ST3GAL5: variants seen among roughly 807,000 people sequenced by gnomAD.
ST3GAL5 encodes ST3 beta-galactoside alpha-2,3-sialyltransferase 5, also known as lactosylceramide alpha-2,3-sialyltransferase.
Under a neutral mutation model 46.1 loss-of-function variants are expected in ST3GAL5, and 25 were observed. The observed-to-expected ratio is 0.54, with a 90% confidence interval of 0.40 to 0.76. The LOEUF is 0.76. ST3GAL5 is among the 30% of genes least tolerant of loss of function. ST3GAL5 has a pLI of 0.00. For missense variants in ST3GAL5, 431 were observed against 521.2 expected (o/e 0.83, Z 1.69); for synonymous variants, 182 against 192.7 (o/e 0.94, Z 0.46).
At chr2:85,872,695 C>G (rs552430787) in intron 1 of ST3GAL5, among the ~76,000 whole-genome samples, 1 of 152,146 alleles carries the variant, frequency 6.6e-6, no homozygotes. Context: ...CTGTGCAGAA[C>G]AAATGAACTG....
At position 85,867,564 on chromosome 2, in the gene ST3GAL5, G is replaced by A. The variant is rs531209548; in HGVS notation, c.83-4079C>T. The A allele has an allele frequency of 1.3e-5, 10 of 780,666 alleles. 1 individual carries two copies. The highest frequency in any genetic ancestry group is 1.9e-5 in the Non-Finnish European group (8 of 418,044). The allele number at this position is 780,666 out of a possible 1,614,324, so 48.4% of individuals were successfully genotyped here. ...CCCAAAGGCCAAGGAAGAGGCTGAC[G>A]AATCCAGTTTCTCAGAAAGAAACGT... On this transcript the variant is annotated intron_variant, in intron 1 of 6. Coordinates refer to ENST00000638572, the MANE Select transcript of ST3GAL5 (RefSeq NM_003896.4).
intron 3 of ST3GAL5, chr2:85,853,933 A>G (rs1194963285): frequency 1.3e-5 from 2 of 152,206 alleles, no homozygotes; most frequent in Admixed American, 6.5e-5. Context: ...CAAGGTCAAA[A>G]TGTTAAAAAC....
At chr2:85,852,936 G>A (rs955390734) in intron 3 of ST3GAL5, 5 of 1,301,960 alleles carry the variant, frequency 3.8e-6, no homozygotes, top group Non-Finnish European at 5.1e-6. Context: ...GAAGATGCTG[G>A]TGCCTGGGCT....
At chr2:85,842,251 T>C (rs1356988417) in intron 6 of ST3GAL5, among the ~76,000 whole-genome samples, 1 of 152,232 alleles carries the variant, frequency 6.6e-6, no homozygotes, top group Non-Finnish European at 1.5e-5. Flanking sequence ...GACACTTTCC[T>C]CCTGTTTAGC....
chr2:85,873,304 T>G (rs1686159142), intron 1 of ST3GAL5, among the ~76,000 whole-genome samples: 1 of 151,990 alleles, frequency 6.6e-6, no homozygotes, highest in South Asian at 2.1e-4. Context: ...GCCTACTCTC[T>G]TCATCCTGGG....
chr2:85,851,229 T>C (rs1226616519), intron 3 of ST3GAL5: 2 of 1,057,166 alleles, frequency 1.9e-6, no homozygotes, highest in Non-Finnish European at 1.1e-6. Context: ...CTTAATTTTC[T>C]AGACTGTGGG....
intron 1 of ST3GAL5, among the ~76,000 whole-genome samples, chr2:85,878,400 C>G (rs1686802238): frequency 6.6e-6 from 1 of 152,144 alleles, no homozygotes; most frequent in African/African-American, 2.4e-5. Flanking sequence ...CTATCTACAC[C>G]AGCCTCATTC....
chr2:85,861,318 T>G, intron 2 of ST3GAL5, 26 bp from the exon 3 acceptor site: 3 of 1,412,708 alleles, frequency 2.1e-6, no homozygotes, highest in Non-Finnish European at 3.0e-6. Flanking sequence ...TTAGGTATTA[T>G]GATGTAGTCA....
At chr2:85,851,402 T>C in intron 3 of ST3GAL5, 2 of 1,193,606 alleles carry the variant, frequency 1.7e-6, no homozygotes, top group African/African-American at 3.2e-5. Flanking sequence ...TTAACAGATC[T>C]CCACTGATTG....
intron 1 of ST3GAL5, among the ~76,000 whole-genome samples, chr2:85,886,870 A>C (rs907707825): frequency 6.6e-6 from 1 of 152,182 alleles, no homozygotes; most frequent in Non-Finnish European, 1.5e-5. Context: ...GTATATTCCC[A>C]GTTGTTTTAC....
At chr2:85,871,970 G>C (rs1685976406) in intron 1 of ST3GAL5, among the ~76,000 whole-genome samples, 1 of 152,172 alleles carries the variant, frequency 6.6e-6, no homozygotes, top group Non-Finnish European at 1.5e-5. Context: ...CACACTCTGT[G>C]GGGTGGGAGG....
In ST3GAL5 at chr2:85,837,683, C is replaced by T. The variant is rs1044215615; in HGVS notation, c.*2461G>A. The T allele has an allele frequency of 4.6e-5, 7 of 152,076 alleles. No homozygotes were observed. The highest frequency in any genetic ancestry group is 1.3e-4 in the Admixed American group (2 of 15,256). The allele number at this position is 152,076 out of a possible 1,614,324, so 9.4% of individuals were successfully genotyped here. ...AATGTATTACATTATCACATGGACC[C>T]TCAAAATATGCACATCACTATGTAT... On this transcript the variant is annotated 3_prime_UTR_variant, in exon 7 of 7. Coordinates refer to ENST00000638572, the MANE Select transcript of ST3GAL5 (RefSeq NM_003896.4).
At position 85,840,274 on chromosome 2, in the gene ST3GAL5, T is replaced by C; in HGVS notation, c.1127A>G (p.Asp376Gly). The change falls in exon 7 of 7, where the codon GAC becomes GGC. Residue 376 changes from aspartate to glycine, a missense_variant. Asp to Gly is a moderately conservative substitution (Grantham distance 94). Transcript: ENST00000638572. ...NQPRTPLHYF[D>G]SQCMAAMNFQ... ...GTTCATAGCAGCCATGCATTGACTG[T>C]CGAAGTAGTGCAAAGGTGTTCTGGG... is the stretch of plus-strand genomic sequence containing the variant. The C allele has an allele frequency of 6.2e-7, 1 of 1,614,232 alleles. No individual in the cohort carries two copies. The highest frequency in any genetic ancestry group is 1.1e-5 in the South Asian group (1 of 91,090).
chr2:85,864,505 C>T (rs1685064093), intron 1 of ST3GAL5, among the ~76,000 whole-genome samples: 1 of 151,010 alleles, frequency 6.6e-6, no homozygotes, highest in Non-Finnish European at 1.5e-5. Context: ...ACAATTCTCC[C>T]CACTTCTGTG....
intron 6 of ST3GAL5, among the ~76,000 whole-genome samples, chr2:85,844,148 A>C (rs1682478300): frequency 6.6e-6 from 1 of 152,208 alleles, no homozygotes; most frequent in Non-Finnish European, 1.5e-5. Flanking sequence ...ACCTTAAAAT[A>C]GTATCTCAGT....
In ST3GAL5 at chr2:85,863,467, G is replaced by A. The variant is rs1377729143; in HGVS notation, c.101C>T (p.Thr34Ile). ...GCAATCACTTCTCAGTTTCACATAGGTGTACTCACTTGGCATTGCTGTGAA... is the reference window on the plus strand; with the variant it reads ...GCAATCACTTCTCAGTTTCACATAGATGTACTCACTTGGCATTGCTGTGAA... ...PAGRAMPSEY[T>I]YVKLRSDCSR... is the part of the protein sequence containing the mutation. The change falls in exon 2 of 7, where the codon ACC becomes ATC. Residue 34 changes from threonine (T) to isoleucine (I), a missense_variant. Transcript: ENST00000638572. 1 of 1,614,056 alleles carries A rather than the reference G, an allele frequency of 6.2e-7. No homozygotes were observed. The highest frequency in any genetic ancestry group is 8.5e-7 in the Non-Finnish European group (1 of 1,180,044).
At chr2:85,840,942 C>CT (rs1681974482) in intron 6 of ST3GAL5, among the ~76,000 whole-genome samples, 1 of 24,186 alleles carries the variant, frequency 4.1e-5, no homozygotes, top group African/African-American at 1.3e-4. Context: ...GACTCTGTCT[C>CT]AAAAAAAAAA....
intron 1 of ST3GAL5, among the ~76,000 whole-genome samples, chr2:85,885,780 G>C (rs1297600103): frequency 6.6e-6 from 1 of 151,026 alleles, no homozygotes; most frequent in African/African-American, 2.4e-5. Flanking sequence ...AACTGAGATC[G>C]TGCCACTGCA....
chr2:85,842,287 T>C (rs1223806431), intron 6 of ST3GAL5, among the ~76,000 whole-genome samples: 1 of 152,192 alleles, frequency 6.6e-6, no homozygotes, highest in Non-Finnish European at 1.5e-5. Flanking sequence ...TGTTCTGTCT[T>C]CTCCAACCAT....
Sources: gnomAD v4.1 joint callset for allele counts (sites outside exome capture counted in the v4.1 genomes callset) on GRCh38, gnomAD v4.1.1 for gene constraint, MANE v1.5 for transcripts, NCBI Gene and HGNC (gene_info 2026-07-23, HGNC 2026-07-21) for gene names.